FAR2: variants seen among roughly 807,000 people sequenced by gnomAD.
FAR2 encodes the protein epididymis secretory protein Li 81.
Under a neutral mutation model 56.0 loss-of-function variants are expected in FAR2, and 19 were observed. The ratio of observed to expected loss-of-function variants is 0.34; its 90% confidence interval spans 0.24 to 0.50. The LOEUF (loss-of-function observed/expected upper bound fraction) is 0.50, where lower values mean the gene tolerates loss of function less well. Among genes scored for constraint, FAR2 ranks in the 20% least tolerant of loss-of-function variants. The probability of loss-of-function intolerance (pLI) is 0.98; values close to 1 mark genes in which losing one functional copy is unlikely to be tolerated. For missense variants in FAR2, 508 were observed against 642.2 expected (o/e 0.79, Z 2.26); for synonymous variants, 219 against 218.8 (o/e 1.00, Z -0.01).
intron 1 of FAR2, among the ~76,000 whole-genome samples, chr12:29,242,130 A>G (rs915433416): frequency 2.6e-5 from 4 of 152,198 alleles, no homozygotes; most frequent in Non-Finnish European, 5.9e-5. Context: ...ACACGACTTC[A>G]AGACTTCTGA....
chr12:29,290,711 G>A (rs1948950997), intron 2 of FAR2, among the ~76,000 whole-genome samples: 1 of 152,162 alleles, frequency 6.6e-6, no homozygotes, highest in Non-Finnish European at 1.5e-5. Context: ...AACATGGATG[G>A]AAATGGAGGT....
intron 1 of FAR2, among the ~76,000 whole-genome samples, chr12:29,149,784 G>A (rs1013433963): frequency 6.6e-6 from 1 of 152,196 alleles, no homozygotes; most frequent in Admixed American, 6.5e-5. Context: ...GCGGGGCCGA[G>A]TCCCACCCAG....
At chr12:29,298,294 GTTT>G (rs57445542) in intron 4 of FAR2, among the ~76,000 whole-genome samples, 4 of 145,448 alleles carry the variant, frequency 2.8e-5, no homozygotes, top group African/African-American at 1.0e-4. Context: ...AGTTTACCTT[GTTT>G]TTTTTTTTTG....
intron 10 of FAR2, 85 bp downstream of exon 10, chr12:29,322,009 A>T: frequency 6.8e-7 from 1 of 1,470,410 alleles, no homozygotes; most frequent in Non-Finnish European, 9.1e-7. Context: ...TGATGAATGA[A>T]TAAGACGTTT....
Position 29,332,590 on chromosome 12 carries a change from T to C in FAR2, c.1258-10T>C. On this transcript the variant is annotated splice_polypyrimidine_tract_variant and intron_variant, in intron 10 of 11. Coordinates refer to ENST00000536681, the MANE Select transcript of FAR2 (RefSeq NM_001271783.2). The stretch of plus-strand genomic sequence containing the variant: ...AATTCTGGCAATCTATAATCTCTCT[T>C]GCCTCTCAGGTATTCAACTTTGACG... 6.2e-7 allele frequency: 1 copy of C among 1,613,518 alleles called. No individual in the cohort carries two copies.
intron 1 of FAR2, among the ~76,000 whole-genome samples, chr12:29,190,069 G>A (rs1314994444): frequency 6.6e-6 from 1 of 152,176 alleles, no homozygotes; most frequent in African/African-American, 2.4e-5. Flanking sequence ...ATTTGCTGAG[G>A]TGGGGAATAC....
In FAR2 at chr12:29,333,672, C is replaced by T. The variant is rs1348884427; in HGVS notation, c.1426C>T (p.Leu476Phe). Reference protein sequence around the residue: ...IHYLFNTALFLIAWRLLIARS... With the variant: ...IHYLFNTALFFIAWRLLIARS... ...CTACCTCTTTAATACTGCCCTCTTCCTTATCGCCTGGCGCCTTCTCATTGC... is the reference window on the plus strand; with the variant it reads ...CTACCTCTTTAATACTGCCCTCTTCTTTATCGCCTGGCGCCTTCTCATTGC... The change falls in exon 12 of 12, where the codon CTT becomes TTT. Residue 476 changes from leucine (L) to phenylalanine (F), a missense_variant. Physicochemically the swap from Leu to Phe is conservative, Grantham distance 22. Transcript: ENST00000536681. The T allele has an allele frequency of 6.2e-7, 1 of 1,613,712 alleles. No individual in the cohort carries two copies. The highest frequency in any genetic ancestry group is 1.7e-5 in the Admixed American group (1 of 59,988).
intron 1 of FAR2, among the ~76,000 whole-genome samples, chr12:29,242,832 G>C (rs1948060274): frequency 6.6e-6 from 1 of 152,192 alleles, no homozygotes; most frequent in African/African-American, 2.4e-5. Context: ...AGGGAGATCA[G>C]GTTCCAACTC....
intron 1 of FAR2, among the ~76,000 whole-genome samples, chr12:29,218,972 A>G (rs1285179067): frequency 6.6e-6 from 1 of 152,084 alleles, no homozygotes; most frequent in Non-Finnish European, 1.5e-5. Context: ...GCTCACTGCA[A>G]CCTCTGCCTG....
At chr12:29,248,573 A>G (rs6487789) in intron 1 of FAR2, among the ~76,000 whole-genome samples, 78,207 of 152,034 alleles carry the variant, frequency 0.51, 20,368 homozygotes, top group East Asian at 0.64. Flanking sequence ...AGACCAGGGC[A>G]AAATTAAAAT....
At chr12:29,312,964 C>T in intron 8 of FAR2, among the ~76,000 whole-genome samples, 1 of 152,146 alleles carries the variant, frequency 6.6e-6, no homozygotes, top group Non-Finnish European at 1.5e-5. Flanking sequence ...CTCTCCTCCT[C>T]TTACACCTAT....
chr12:29,311,666 T>TCACACA (rs61236613), intron 7 of FAR2, among the ~76,000 whole-genome samples: 7,807 of 147,446 alleles, frequency 0.053, 511 homozygotes, highest in African/African-American at 0.15. Context: ...AACATCTCTT[T>TCACACA]CACACACACA....
intron 2 of FAR2, among the ~76,000 whole-genome samples, chr12:29,278,315 C>T (rs2136720385): frequency 6.6e-6 from 1 of 151,946 alleles, no homozygotes; most frequent in South Asian, 2.1e-4. Context: ...TTTATAACAA[C>T]AAAGTCCCTT....
At position 29,307,760 on chromosome 12, in the gene FAR2, G is replaced by A. The variant is rs760024540; in HGVS notation, c.648G>A (p.Gln216=). The change falls in exon 5 of 12, where the codon CAG becomes CAA. Residue 216 remains glutamine, a synonymous_variant. Transcript: ENST00000536681. ...YTKALGEMVV[Q]QESRNLNIAI... Reference sequence around the variant, plus strand: ...AGGCCTTGGGAGAAATGGTGGTGCAGCAAGAGAGCAGGAACCTGAACATTG... The same window carrying A: ...AGGCCTTGGGAGAAATGGTGGTGCAACAAGAGAGCAGGAACCTGAACATTG... 6.2e-7 allele frequency: 1 copy of A among 1,613,638 alleles called. No homozygotes were observed. The highest frequency in any genetic ancestry group is 1.1e-5 in the South Asian group (1 of 91,054).
At chr12:29,241,953 A>G (rs930619756) in intron 1 of FAR2, among the ~76,000 whole-genome samples, 20 of 152,240 alleles carry the variant, frequency 1.3e-4, no homozygotes, top group African/African-American at 4.8e-4. Context: ...AAATCACCTC[A>G]GCCCATGTAT....
intron 4 of FAR2, chr12:29,302,103 G>C (rs1949177274): frequency 6.6e-6 from 1 of 151,978 alleles, no homozygotes; most frequent in South Asian, 2.1e-4. Flanking sequence ...GGTGGTGGGC[G>C]CCTGTACTCC....
intron 3 of FAR2, 149 bp downstream of exon 3, chr12:29,293,624 A>G: frequency 1.7e-6 from 1 of 582,754 alleles, no homozygotes. Flanking sequence ...TCTAGAAACA[A>G]CCATTTACTA....
intron 1 of FAR2, among the ~76,000 whole-genome samples, chr12:29,150,630 C>T (rs1271196153): frequency 1.3e-5 from 2 of 152,230 alleles, no homozygotes; most frequent in African/African-American, 2.4e-5. Context: ...GCCACCTAAA[C>T]TGCAAGAGCA....
At chr12:29,231,375 C>A (rs1947855717) in intron 1 of FAR2, among the ~76,000 whole-genome samples, 2 of 152,008 alleles carry the variant, frequency 1.3e-5, no homozygotes, top group African/African-American at 4.8e-5. Flanking sequence ...CTAGCTTGTA[C>A]AACAAGATGG....
Sources: gnomAD v4.1 joint callset for allele counts (sites outside exome capture counted in the v4.1 genomes callset) on GRCh38, gnomAD v4.1.1 for gene constraint, MANE v1.5 for transcripts, NCBI Gene and HGNC (gene_info 2026-07-23, HGNC 2026-07-21) for gene names.